EGFR: variants seen among roughly 807,000 people sequenced by gnomAD.
EGFR encodes the protein epidermal growth factor receptor, also known as avian erythroblastic leukemia viral (v-erb-b) oncogene homolog.
EGFR carries 58 observed loss-of-function variants against 143.0 expected under a neutral mutation model. The ratio of observed to expected loss-of-function variants is 0.41; its 90% CI spans 0.33 to 0.50. The LOEUF (loss-of-function observed/expected upper bound fraction) is 0.50. EGFR is among the 20% of genes least tolerant of loss of function. EGFR has a pLI of 0.39. For synonymous variants in EGFR, 613 were observed against 594.4 expected (o/e 1.03, Z -0.45); for missense variants, 1,307 against 1,579.0 (o/e 0.83, Z 2.92).
intron 1 of EGFR, among the ~76,000 whole-genome samples, chr7:55,028,027 C>CATAA (rs1562650725): frequency 1.3e-5 from 1 of 76,834 alleles, no homozygotes; most frequent in Non-Finnish European, 2.4e-5. Flanking sequence ...TATATATATA[C>CATAA]ACACACACAC....
intron 3 of EGFR, 86 bp downstream of exon 3, chr7:55,143,574 A>G (rs1012735362): frequency 6.8e-7 from 1 of 1,476,164 alleles, no homozygotes; most frequent in South Asian, 1.2e-5. Flanking sequence ...ACTCAATTCC[A>G]CCTCGGAGAA....
intron 1 of EGFR, among the ~76,000 whole-genome samples, chr7:55,068,108 CTG>C (rs143894730): frequency 1.4e-4 from 20 of 144,282 alleles, no homozygotes; most frequent in East Asian, 7.8e-4. Context: ...ATGTGTGTGC[CTG>C]TGTGTGTGTG....
chr7:55,134,007 C>T (rs1467803704), intron 1 of EGFR, among the ~76,000 whole-genome samples: 1 of 152,226 alleles, frequency 6.6e-6, no homozygotes, highest in African/African-American at 2.4e-5. Flanking sequence ...CGTTTACTCA[C>T]CCTCTGTCTA....
chr7:55,145,663 C>T (rs760797110), intron 3 of EGFR, among the ~76,000 whole-genome samples: 2 of 152,228 alleles, frequency 1.3e-5, no homozygotes, highest in Non-Finnish European at 2.9e-5. Context: ...GGGAGCTGGG[C>T]ATTGCTTCAT....
chr7:55,127,294 T>A (rs888108437), intron 1 of EGFR, among the ~76,000 whole-genome samples: 3 of 152,158 alleles, frequency 2.0e-5, no homozygotes, highest in African/African-American at 7.2e-5. Flanking sequence ...CAGTCCAACC[T>A]CCCCCAAACC....
chr7:55,188,077 T>C (rs1787222359), intron 20 of EGFR, among the ~76,000 whole-genome samples: 1 of 152,156 alleles, frequency 6.6e-6, no homozygotes, highest in East Asian at 1.9e-4. Flanking sequence ...GTGGGTTATT[T>C]TGAAGATGAT....
rs1463191038 is a variant in EGFR at position 55,161,664 on chromosome 7, G to A, written c.1631+33G>A. 3.7e-6 allele frequency: 6 copies of A among 1,614,074 alleles called. No homozygotes were observed. The South Asian group carries it at 4.4e-5, about 12-fold the overall frequency. ...GTTATTTCTTTAATCCCCTTGCGTT[G>A]ATCAAAAATAAGGCTCCAGGTTGTT... On this transcript the variant is annotated intron_variant, in intron 13 of 27. Transcript: ENST00000275493.
At chr7:55,054,372 T>G (rs549379925) in intron 1 of EGFR, among the ~76,000 whole-genome samples, 1 of 152,342 alleles carries the variant, frequency 6.6e-6, no homozygotes, top group Non-Finnish European at 1.5e-5. Context: ...AAAACATCAC[T>G]TGAAGCTGGA....
intron 1 of EGFR, among the ~76,000 whole-genome samples, chr7:55,114,879 CTTT>C (rs777244842): frequency 2.4e-5 from 3 of 122,746 alleles, no homozygotes; most frequent in African/African-American, 3.1e-5. Flanking sequence ...TTGTATTATT[CTTT>C]TTTTTTTTTT....
chr7:55,113,979 G>A (rs1045719436), intron 1 of EGFR, among the ~76,000 whole-genome samples: 2 of 152,212 alleles, frequency 1.3e-5, no homozygotes, highest in African/African-American at 4.8e-5. Flanking sequence ...GCTGCCAGGT[G>A]ACTCTAACTT....
chr7:55,060,308 G>A (rs779924184), intron 1 of EGFR, among the ~76,000 whole-genome samples: 2 of 152,098 alleles, frequency 1.3e-5, no homozygotes, highest in Non-Finnish European at 2.9e-5. Flanking sequence ...TTTGTTTTTA[G>A]TAGTGCCTCA....
At chr7:55,174,660 G>T (rs2128954430) in intron 18 of EGFR, 62 bp from the exon 19 acceptor site, 1 of 1,372,618 alleles carries the variant, frequency 7.3e-7, no homozygotes, top group South Asian at 1.2e-5. Flanking sequence ...CCAGATCACT[G>T]GGCAGCATGT....
intron 1 of EGFR, among the ~76,000 whole-genome samples, chr7:55,061,501 C>G (rs988254772): frequency 5.9e-5 from 9 of 152,190 alleles, no homozygotes; most frequent in Admixed American, 3.9e-4. Context: ...CCTCGTCTCA[C>G]ACCTCTTGCC....
At chr7:55,165,087 A>T (rs912446735) in intron 14 of EGFR, among the ~76,000 whole-genome samples, 193 bp from the exon 15 acceptor site, 2 of 152,242 alleles carry the variant, frequency 1.3e-5, no homozygotes, top group African/African-American at 2.4e-5. Flanking sequence ...AACAGGGAGA[A>T]CTTCTAAGCA....
intron 1 of EGFR, among the ~76,000 whole-genome samples, chr7:55,047,510 G>A (rs1788244842): frequency 6.6e-6 from 1 of 152,218 alleles, no homozygotes; most frequent in Non-Finnish European, 1.5e-5. Flanking sequence ...AGCACTTTGG[G>A]AGGCAGAGGC....
intron 1 of EGFR, among the ~76,000 whole-genome samples, chr7:55,082,744 C>T (rs2128890678): frequency 6.6e-6 from 1 of 152,324 alleles, no homozygotes; most frequent in South Asian, 2.1e-4. Context: ...CCCAGGGCTG[C>T]TCTAACAGAT....
intron 1 of EGFR, among the ~76,000 whole-genome samples, chr7:55,020,238 C>T (rs1474207958): frequency 1.3e-5 from 2 of 152,218 alleles, no homozygotes; most frequent in East Asian, 3.9e-4. Context: ...CCCCAGCTCC[C>T]TCCTGGGCGC....
chr7:55,174,751 T>A lies in EGFR; in HGVS notation c.2214T>A (p.Val738=). 3 of 1,614,016 alleles carry A rather than the reference T, an allele frequency of 1.9e-6. No individual in the cohort carries two copies. Among genetic ancestry groups the A allele is most frequent in the Non-Finnish European group, 2.5e-6 (3 of 1,179,938 alleles). ...TCTGGATCCCAGAAGGTGAGAAAGT[T>A]AAAATTCCCGTCGCTATCAAGGAAT... ...KGLWIPEGEK[V]KIPVAIKELR... The change falls in exon 19 of 28, where the codon GTT becomes GTA. Residue 738 remains valine, a synonymous_variant. Transcript: ENST00000275493.
intron 1 of EGFR, among the ~76,000 whole-genome samples, chr7:55,026,194 A>G (rs10259122): frequency 0.011 from 1,728 of 152,312 alleles, 29 homozygotes; most frequent in African/African-American, 0.038. Flanking sequence ...GTAGCTCGTA[A>G]CGAAAGAAAT....
Sources: allele counts gnomAD v4.1 joint callset (sites outside exome capture counted in the v4.1 genomes callset), GRCh38; gene constraint gnomAD v4.1.1; transcripts MANE v1.5; gene names NCBI Gene and HGNC (gene_info 2026-07-23, HGNC 2026-07-21).